Variants in RALYL observed in about 807,000 individuals in gnomAD.
RALYL encodes RNA-binding Raly-like protein.
Under a neutral mutation model 35.1 loss-of-function variants are expected in RALYL, and 29 were observed. That is an observed-to-expected ratio of 0.83 (90% confidence interval 0.61 to 1.13). The LOEUF (loss-of-function observed/expected upper bound fraction) is 1.13, where lower values mean the gene tolerates loss of function less well. Among genes scored for constraint, RALYL ranks in the 50% most tolerant of loss-of-function variants. The pLI is 0.00. For synonymous variants in RALYL, 120 were observed against 127.6 expected (o/e 0.94, Z 0.40); for missense variants, 359 against 360.4 (o/e 1.00, Z 0.03).
intron 2 of RALYL, among the ~76,000 whole-genome samples, chr8:84,618,067 G>A (rs929067803): frequency 6.6e-6 from 1 of 151,698 alleles, no homozygotes; most frequent in Non-Finnish European, 1.5e-5. Context: ...TTTTGGTTGT[G>A]TCTCTGCCCG....
At position 84,804,684 on chromosome 8, in the gene RALYL, A is replaced by G. The variant is rs1418954880; in HGVS notation, c.333-86A>G. The G allele has an allele frequency of 2.3e-4, 137 of 600,826 alleles. 1 individual carries two copies. The highest frequency in any genetic ancestry group is 9.6e-5 in the Non-Finnish European group (39 of 404,626). 37.2% of individuals were successfully genotyped at this position (600,826 alleles called of 1,614,324 possible). Reference sequence around the variant, plus strand: ...ATGCATTTTCATCCAAACAAGTATAATAATTTTGTCAGGTTCATGTAAAAG... The same window carrying G: ...ATGCATTTTCATCCAAACAAGTATAGTAATTTTGTCAGGTTCATGTAAAAG... On this transcript the variant is annotated intron_variant, in intron 3 of 8. Transcript: ENST00000521268.
chr8:84,366,843 A>G (rs73296889), intron 1 of RALYL, among the ~76,000 whole-genome samples: 6,888 of 150,068 alleles, frequency 0.046, 217 homozygotes, highest in African/African-American at 0.079. Flanking sequence ...TGCTGTTCAC[A>G]CAATATACAA....
At chr8:84,305,277 A>T (rs1485656170) in intron 1 of RALYL, among the ~76,000 whole-genome samples, 1 of 152,212 alleles carries the variant, frequency 6.6e-6, no homozygotes, top group African/African-American at 2.4e-5. Context: ...ATAAAGTAAT[A>T]CAAGACTCAT....
rs77717305 is a variant in RALYL at position 84,668,017 on chromosome 8, T to A, written c.257-106562T>A. On this transcript the variant is annotated intron_variant, in intron 2 of 8. Transcript: ENST00000521268. ...GCCTTTTAAAATTCTTTTTCCTTACTATTTTTAATCCTCTAAGGCATATGT... is the reference window on the plus strand; with the variant it reads ...GCCTTTTAAAATTCTTTTTCCTTACAATTTTTAATCCTCTAAGGCATATGT... Among the ~76,000 whole-genome samples the A allele has an allele frequency of 9.3e-3, 1,417 of 152,250 alleles. 18 individuals are homozygous for A. Among genetic ancestry groups the A allele is most frequent in the African/African-American group, 0.032 (1,313 of 41,538 alleles).
chr8:84,899,710 T>C (rs1454631805), intron 8 of RALYL, among the ~76,000 whole-genome samples: 15 of 152,158 alleles, frequency 9.9e-5, no homozygotes, highest in Non-Finnish European at 1.2e-4. Flanking sequence ...CAGTATTGAC[T>C]CTATCGTGTT....
intron 2 of RALYL, among the ~76,000 whole-genome samples, chr8:84,561,310 G>A (rs1055408061): frequency 1.3e-5 from 2 of 151,954 alleles, no homozygotes; most frequent in African/African-American, 2.4e-5. Flanking sequence ...AGTAGCAATG[G>A]TAGTTACCAG....
chr8:84,691,923 A>G (rs1371341764), intron 2 of RALYL, among the ~76,000 whole-genome samples: 2 of 152,104 alleles, frequency 1.3e-5, no homozygotes, highest in African/African-American at 4.8e-5. Flanking sequence ...GGTTTATTCT[A>G]GAAATGCAGA....
chr8:84,525,452 G>A (rs1258879256), intron 1 of RALYL, among the ~76,000 whole-genome samples: 1 of 151,862 alleles, frequency 6.6e-6, no homozygotes, highest in African/African-American at 2.4e-5. Flanking sequence ...TTATTATGAT[G>A]TGTCTGGTGT....
intron 1 of RALYL, among the ~76,000 whole-genome samples, chr8:84,248,648 T>C (rs953506451): frequency 1.3e-5 from 2 of 152,120 alleles, no homozygotes; most frequent in African/African-American, 4.8e-5. Flanking sequence ...ATTCTTCCTC[T>C]CACTCTTCTT....
chr8:84,407,942 G>T (rs6981021), intron 1 of RALYL, among the ~76,000 whole-genome samples: 20,271 of 151,932 alleles, frequency 0.13, 1,600 homozygotes, highest in African/African-American at 0.22. Flanking sequence ...TCCAAGGCAA[G>T]TGGCAAGACT....
chr8:84,735,414 C>T (rs1847071240), intron 2 of RALYL, among the ~76,000 whole-genome samples: 1 of 151,972 alleles, frequency 6.6e-6, no homozygotes, highest in Admixed American at 6.6e-5. Flanking sequence ...TATTAACATT[C>T]TACAAATTCT....
At chr8:84,868,985 A>T (rs1304780779) in intron 6 of RALYL, among the ~76,000 whole-genome samples, 1 of 151,888 alleles carries the variant, frequency 6.6e-6, no homozygotes, top group African/African-American at 2.4e-5. Context: ...ACTTCAGGCC[A>T]GTTGTTCATT....
intron 8 of RALYL, among the ~76,000 whole-genome samples, chr8:84,910,842 A>C (rs2135685449): frequency 6.6e-6 from 1 of 152,074 alleles, no homozygotes; most frequent in East Asian, 1.9e-4. Context: ...TTGTATATTT[A>C]TATGAAAACT....
intron 1 of RALYL, among the ~76,000 whole-genome samples, chr8:84,188,465 C>T (rs981895612): frequency 6.6e-5 from 10 of 152,124 alleles, no homozygotes; most frequent in Admixed American, 3.9e-4. Context: ...GTGACCTGTA[C>T]GAATGCTTGT....
intron 1 of RALYL, among the ~76,000 whole-genome samples, chr8:84,394,094 G>T (rs1249739418): frequency 6.6e-6 from 1 of 151,886 alleles, no homozygotes; most frequent in East Asian, 1.9e-4. Flanking sequence ...CCCTACTTGT[G>T]CACACTCCAG....
intron 1 of RALYL, among the ~76,000 whole-genome samples, chr8:84,234,921 T>C (rs1197666345): frequency 6.6e-6 from 1 of 151,924 alleles, no homozygotes; most frequent in Non-Finnish European, 1.5e-5. Context: ...GGCGCGACCA[T>C]GCCCGGCTAA....
chr8:84,615,527 TAA>T (rs1429627324), intron 2 of RALYL, among the ~76,000 whole-genome samples: 1 of 143,000 alleles, frequency 7.0e-6, no homozygotes, highest in Non-Finnish European at 1.5e-5. Flanking sequence ...ACTACAAATA[TAA>T]GTCAATACGT....
At chr8:84,438,451 C>A (rs1336467553) in intron 1 of RALYL, among the ~76,000 whole-genome samples, 2 of 152,112 alleles carry the variant, frequency 1.3e-5, no homozygotes, top group Non-Finnish European at 2.9e-5. Context: ...GGCAGTGGCA[C>A]AATCTCTGCT....
intron 1 of RALYL, among the ~76,000 whole-genome samples, chr8:84,441,983 A>ATGAGC (rs1175482100): frequency 2.0e-5 from 3 of 152,114 alleles, no homozygotes; most frequent in Non-Finnish European, 4.4e-5. Flanking sequence ...CATCATAAAA[A>ATGAGC]TGAGCTGAAA....
Sources: gnomAD v4.1 joint callset for allele counts (sites outside exome capture counted in the v4.1 genomes callset) on GRCh38, gnomAD v4.1.1 for gene constraint, MANE v1.5 for transcripts, NCBI Gene and HGNC (gene_info 2026-07-23, HGNC 2026-07-21) for gene names.